The following SV2C variants were observed in gnomAD, a reference collection of about 807,000 sequenced individuals.
SV2C encodes the protein solute carrier family 22 member B3.
Under a neutral mutation model 79.7 loss-of-function variants are expected in SV2C, and 49 were observed. That is an observed-to-expected ratio of 0.61 (90% confidence interval 0.49 to 0.78). SV2C has a LOEUF of 0.78. Ranked by LOEUF, SV2C falls within the 30% of genes least tolerant of loss-of-function variation. SV2C has a pLI of 0.00. For synonymous variants in SV2C, 334 were observed against 333.2 expected (o/e 1.00, Z -0.03); for missense variants, 833 against 912.9 (o/e 0.91, Z 1.13).
intron 1 of SV2C, among the ~76,000 whole-genome samples, chr5:76,130,119 C>T (rs1176226401): frequency 7.6e-6 from 1 of 131,640 alleles, no homozygotes; most frequent in African/African-American, 3.0e-5. Flanking sequence ...TGTCTCTCTT[C>T]CTCCCTTTCT....
chr5:76,127,964 G>T (rs1280105689), intron 1 of SV2C, among the ~76,000 whole-genome samples: 1 of 152,070 alleles, frequency 6.6e-6, no homozygotes, highest in African/African-American at 2.4e-5. Flanking sequence ...TAAATGATTT[G>T]CAGCTGACTC....
At chr5:76,058,068 T>C in the SV2C span, among the ~76,000 whole-genome samples, 1 of 152,186 alleles carries the variant, frequency 6.6e-6, no homozygotes, top group South Asian at 2.1e-4. Context: ...ATTTCATTTC[T>C]TCTTTCATTT....
At chr5:75,901,881 A>T in the SV2C span, among the ~76,000 whole-genome samples, 410 of 152,304 alleles carry the variant, frequency 2.7e-3, 2 homozygotes, top group African/African-American at 8.7e-3. Flanking sequence ...TGGGCATAGG[A>T]CCTTCCAAGC....
At chr5:76,080,183 A>C (rs1307328447), upstream of SV2C, among the ~76,000 whole-genome samples, 1 of 152,106 alleles carries the variant, frequency 6.6e-6, no homozygotes, top group East Asian at 1.9e-4. Flanking sequence ...TAGATATTAA[A>C]ATGTGGTGCT....
At chr5:76,147,899 G>T (rs1749489189) in intron 2 of SV2C, among the ~76,000 whole-genome samples, 1 of 152,036 alleles carries the variant, frequency 6.6e-6, no homozygotes, top group East Asian at 1.9e-4. Context: ...GCTTCCTGAT[G>T]ATTCACGGTA....
intron 6 of SV2C, among the ~76,000 whole-genome samples, chr5:76,290,851 G>A (rs570524253): frequency 1.3e-4 from 20 of 152,338 alleles, no homozygotes; most frequent in African/African-American, 4.8e-4. Flanking sequence ...AAAATGTGTA[G>A]ACTCACTTTA....
At chr5:76,018,934 A>G in the SV2C span, among the ~76,000 whole-genome samples, 1 of 152,220 alleles carries the variant, frequency 6.6e-6, no homozygotes, top group Non-Finnish European at 1.5e-5. Context: ...ACGTAACCTG[A>G]AATGGGAAAA....
chr5:76,030,285 T>TATTTATTTA, the SV2C span, among the ~76,000 whole-genome samples: 10 of 109,990 alleles, frequency 9.1e-5, no homozygotes, highest in African/African-American at 5.4e-4. Context: ...TTTTTTTTTT[T>TATTTATTTA]TTTTTTTATT....
the SV2C span, among the ~76,000 whole-genome samples, chr5:75,884,048 G>A: frequency 5.6e-3 from 857 of 152,088 alleles, 3 homozygotes; most frequent in African/African-American, 0.02. Flanking sequence ...TAAAGACTGG[G>A]GATCAGCAAA....
chr5:76,229,720 A>G (rs752823800), intron 4 of SV2C, among the ~76,000 whole-genome samples: 16 of 152,348 alleles, frequency 1.1e-4, no homozygotes, highest in Non-Finnish European at 2.2e-4. Context: ...GGGCTTGCAT[A>G]ACAAGGGCGA....
the SV2C span, among the ~76,000 whole-genome samples, chr5:75,942,373 A>G: frequency 6.6e-6 from 1 of 152,202 alleles, no homozygotes; most frequent in Non-Finnish European, 1.5e-5. Context: ...GGTTGATCAG[A>G]TGTTCCAGAG....
chr5:76,146,062 G>GGC (rs35418956), intron 2 of SV2C, among the ~76,000 whole-genome samples: 16,996 of 152,190 alleles, frequency 0.11, 1,038 homozygotes, highest in Non-Finnish European at 0.14. Flanking sequence ...TGAAAAGCAA[G>GGC]TGCTGTCTCT....
At chr5:76,293,319 C>A (rs73764311) in intron 8 of SV2C, among the ~76,000 whole-genome samples, 165 of 152,288 alleles carry the variant, frequency 1.1e-3, no homozygotes, top group African/African-American at 3.8e-3. Flanking sequence ...GGAAGTCCTG[C>A]TGTCAAGGTG....
chr5:75,911,133 A>C, the SV2C span: 1 of 1,569,280 alleles, frequency 6.4e-7, no homozygotes, highest in African/African-American at 1.4e-5. Flanking sequence ...AAGATGAGGA[A>C]ATAGAGAAGG....
Position 76,160,400 on chromosome 5 carries a change from G to A in SV2C, c.580+28070G>A, listed in dbSNP as rs867076980. 7.2e-5 allele frequency among the ~76,000 whole-genome samples: 11 copies of A among 152,214 alleles called. No homozygotes were observed. The Middle Eastern group carries it at 0.01, about 141-fold the overall frequency. On this transcript the variant is annotated intron_variant, in intron 2 of 12. Coordinates refer to ENST00000502798, the MANE Select transcript of SV2C (RefSeq NM_014979.4). ...AGTTAGACATACAGCTCTATGAAAC[G>A]GAATTGAGAATCCAGAAATAAACCT...
intron 12 of SV2C, among the ~76,000 whole-genome samples, chr5:76,307,635 A>C (rs1418788382): frequency 6.6e-6 from 1 of 152,112 alleles, no homozygotes; most frequent in African/African-American, 2.4e-5. Flanking sequence ...CTTCTGCCTG[A>C]ACTCCAGCAA....
At chr5:75,856,508 C>A in the SV2C span, among the ~76,000 whole-genome samples, 2 of 152,154 alleles carry the variant, frequency 1.3e-5, no homozygotes, top group African/African-American at 4.8e-5. Flanking sequence ...GATAACATCT[C>A]ATTGTAGTTT....
intron 11 of SV2C, among the ~76,000 whole-genome samples, chr5:76,301,160 C>T (rs144399585): frequency 2.5e-3 from 375 of 152,252 alleles, no homozygotes; most frequent in African/African-American, 7.7e-3. Context: ...TATATTTTCC[C>T]ACTCAAGTAG....
the SV2C span, among the ~76,000 whole-genome samples, chr5:75,855,069 T>A: frequency 6.6e-6 from 1 of 152,290 alleles, no homozygotes; most frequent in East Asian, 1.9e-4. Flanking sequence ...GTCCTTTGAC[T>A]TTGTTTTTCT....
Sources: gnomAD v4.1 joint callset for allele counts (sites outside exome capture counted in the v4.1 genomes callset) on GRCh38, gnomAD v4.1.1 for gene constraint, MANE v1.5 for transcripts, NCBI Gene and HGNC (gene_info 2026-07-23, HGNC 2026-07-21) for gene names.